LRRTM4: variants seen among roughly 807,000 people sequenced by gnomAD.
LRRTM4 encodes the protein leucine-rich repeat transmembrane neuronal protein 4.
In LRRTM4, 25 loss-of-function variants were observed where a neutral mutation model predicts 47.6. That is an observed-to-expected ratio of 0.53 (90% CI 0.38 to 0.73). The LOEUF is 0.73. LRRTM4 is among the 30% of genes least tolerant of loss of function. The pLI is 0.00. For synonymous variants in LRRTM4, 311 were observed against 269.5 expected (o/e 1.15, Z -1.51); for missense variants, 638 against 713.4 (o/e 0.89, Z 1.20).
At chr2:76,887,000 C>T (rs1673098448) in intron 3 of LRRTM4, among the ~76,000 whole-genome samples, 1 of 151,682 alleles carries the variant, frequency 6.6e-6, no homozygotes, top group East Asian at 1.9e-4. Flanking sequence ...GTGTAGCCCA[C>T]AATGTTGGAG....
chr2:77,355,842 C>T (rs1671946741), intron 3 of LRRTM4, among the ~76,000 whole-genome samples: 1 of 152,146 alleles, frequency 6.6e-6, no homozygotes, highest in South Asian at 2.1e-4. Context: ...CCTGTAATCC[C>T]AGCACTTTGG....
chr2:77,334,817 T>C (rs895436664), intron 3 of LRRTM4, among the ~76,000 whole-genome samples: 5 of 152,224 alleles, frequency 3.3e-5, no homozygotes, highest in African/African-American at 1.2e-4. Context: ...GATAGGATAC[T>C]AGTCTTTCAC....
chr2:77,024,130 A>G (rs905590740), intron 3 of LRRTM4, among the ~76,000 whole-genome samples: 7 of 152,184 alleles, frequency 4.6e-5, no homozygotes, highest in Admixed American at 2.0e-4. Flanking sequence ...CATTACCACA[A>G]GAACAGTATT....
intron 3 of LRRTM4, among the ~76,000 whole-genome samples, chr2:77,090,287 GCT>G (rs1558574515): frequency 6.6e-6 from 1 of 152,040 alleles, no homozygotes; most frequent in African/African-American, 2.4e-5. Context: ...AAGCGTTTAG[GCT>G]CTTTCTCATC....
chr2:77,109,038 T>G (rs1671177358), intron 3 of LRRTM4, among the ~76,000 whole-genome samples: 1 of 152,194 alleles, frequency 6.6e-6, no homozygotes, highest in South Asian at 2.1e-4. Context: ...AGATATTATA[T>G]TAAGCCTAGT....
chr2:77,032,767 G>C (rs919617036), intron 3 of LRRTM4, among the ~76,000 whole-genome samples: 2 of 151,998 alleles, frequency 1.3e-5, no homozygotes, highest in African/African-American at 4.8e-5. Flanking sequence ...GGCTTTTTCT[G>C]ATTTATAAAC....
At chr2:77,161,275 G>A (rs2103809133) in intron 3 of LRRTM4, among the ~76,000 whole-genome samples, 1 of 152,260 alleles carries the variant, frequency 6.6e-6, no homozygotes, top group Admixed American at 6.5e-5. Context: ...CCCAACCAGT[G>A]ATCCAACGGA....
intron 3 of LRRTM4, among the ~76,000 whole-genome samples, chr2:76,753,866 C>A (rs1047829194): frequency 6.6e-6 from 1 of 151,996 alleles, no homozygotes; most frequent in Non-Finnish European, 1.5e-5. Flanking sequence ...CATGAAATTC[C>A]GATATTGTGA....
At position 76,748,878 on chromosome 2, in the gene LRRTM4, A is replaced by G. The variant is rs1672747897; in HGVS notation, c.1590T>C (p.Tyr530=). 6.2e-7 allele frequency: 1 copy of G among 1,613,918 alleles called. No individual in the cohort carries two copies. The highest frequency in any genetic ancestry group is 1.3e-5 in the African/African-American group (1 of 74,934). Residue 530 remains tyrosine (Y), a synonymous_variant, in exon 4 of 4, where the codon TAT becomes TAC. Coordinates refer to ENST00000409884, the MANE Select transcript of LRRTM4 (RefSeq NM_001134745.3). The part of the protein sequence containing the change: ...HHMKPLPYYS[Y]DQPVIGYCQA... ...GGCAGTACCCGATCACAGGCTGGTCATAGCTGTAATATGGCAAGGGCTTCA... is the reference window on the plus strand; with the variant it reads ...GGCAGTACCCGATCACAGGCTGGTCGTAGCTGTAATATGGCAAGGGCTTCA...
chr2:77,095,495 T>A (rs1248008130), intron 3 of LRRTM4, among the ~76,000 whole-genome samples: 2 of 145,094 alleles, frequency 1.4e-5, no homozygotes, highest in African/African-American at 5.3e-5. Flanking sequence ...AAATATGAAA[T>A]ACCATATGCA....
chr2:76,842,718 A>C (rs1017654356), intron 3 of LRRTM4, among the ~76,000 whole-genome samples: 1 of 150,230 alleles, frequency 6.7e-6, no homozygotes, highest in Admixed American at 6.6e-5. Context: ...TAACTTTATA[A>C]AAGTTTTTTT....
chr2:76,840,530 G>A (rs1274385706), intron 3 of LRRTM4, among the ~76,000 whole-genome samples: 3 of 152,254 alleles, frequency 2.0e-5, no homozygotes, highest in South Asian at 2.1e-4. Flanking sequence ...TGCAGTAAAT[G>A]TAAAAGTTTA....
chr2:77,134,399 A>G (rs1671879107), intron 3 of LRRTM4, among the ~76,000 whole-genome samples: 1 of 152,128 alleles, frequency 6.6e-6, no homozygotes, highest in African/African-American at 2.4e-5. Context: ...ATATTTATAC[A>G]CTTTTTTCCA....
chr2:77,003,225 T>C (rs1170204061), intron 3 of LRRTM4, among the ~76,000 whole-genome samples: 1 of 151,996 alleles, frequency 6.6e-6, no homozygotes, highest in Non-Finnish European at 1.5e-5. Flanking sequence ...TTGTGTTTCT[T>C]ATAATTTAAG....
At chr2:77,277,978 C>T (rs538390700) in intron 3 of LRRTM4, among the ~76,000 whole-genome samples, 1 of 152,044 alleles carries the variant, frequency 6.6e-6, no homozygotes, top group Admixed American at 6.6e-5. Context: ...GAGTTTCTCT[C>T]TGTCTCTTTC....
intron 3 of LRRTM4, among the ~76,000 whole-genome samples, chr2:77,191,872 G>T (rs932226476): frequency 2.1e-4 from 32 of 151,994 alleles, no homozygotes; most frequent in African/African-American, 7.7e-4. Flanking sequence ...TCTGCCACCT[G>T]GAACTATAAT....
intron 3 of LRRTM4, among the ~76,000 whole-genome samples, chr2:76,871,178 T>G (rs973921278): frequency 6.6e-6 from 1 of 152,174 alleles, no homozygotes; most frequent in Non-Finnish European, 1.5e-5. Flanking sequence ...CATATAGAGA[T>G]GCTAAAATAG....
At chr2:76,764,609 C>T (rs749235710) in intron 3 of LRRTM4, among the ~76,000 whole-genome samples, 1 of 151,750 alleles carries the variant, frequency 6.6e-6, no homozygotes, top group Non-Finnish European at 1.5e-5. Context: ...CCAGCCTGGG[C>T]GACAGAGCTA....
chr2:76,825,564 A>C (rs1023945995), intron 3 of LRRTM4, among the ~76,000 whole-genome samples: 21 of 151,834 alleles, frequency 1.4e-4, no homozygotes, highest in Non-Finnish European at 3.1e-4. Flanking sequence ...TAGCTATGGA[A>C]GCAAGTAAAA....
Sources: allele counts gnomAD v4.1 joint callset (sites outside exome capture counted in the v4.1 genomes callset), GRCh38; gene constraint gnomAD v4.1.1; transcripts MANE v1.5; gene names NCBI Gene and HGNC (gene_info 2026-07-23, HGNC 2026-07-21).